The following FLRT1 variants were observed in gnomAD, a reference collection of about 807,000 sequenced individuals.
FLRT1 encodes fibronectin leucine rich transmembrane protein 1.
FLRT1 carries 14 observed loss-of-function variants against 30.9 expected under a neutral mutation model. That is an observed-to-expected ratio of 0.45 (90% confidence interval 0.30 to 0.71). FLRT1 has a LOEUF of 0.71. Ranked by LOEUF, FLRT1 falls within the 30% of genes least tolerant of loss-of-function variation. FLRT1 has a pLI of 0.08. For missense variants in FLRT1, 737 were observed against 949.2 expected (o/e 0.78, Z 2.94); for synonymous variants, 368 against 430.4 (o/e 0.85, Z 1.80).
chr11:64,118,176 A>G lies in FLRT1; in HGVS notation c.1909A>G (p.Thr637Ala), dbSNP rs535165344. The G allele has an allele frequency of 8.1e-6, 13 of 1,613,520 alleles. No homozygotes were observed. Among genetic ancestry groups the G allele is most frequent in the Admixed American group, 3.3e-5 (2 of 60,008 alleles). Reference sequence around the variant, plus strand: ...CGCCAAAGAAGAGTACGTGGTCCACACTATCTTCCCCTCCAACGGCAGCAG... The same window carrying G: ...CGCCAAAGAAGAGTACGTGGTCCACGCTATCTTCCCCTCCAACGGCAGCAG... ...YRAKEEYVVH[T>A]IFPSNGSSLC... Residue 637 changes from threonine to alanine, a missense_variant, in exon 3 of 3, where the codon ACT (threonine) becomes GCT (alanine). Transcript: ENST00000682287.
At chr11:64,068,066 A>G (rs1367755184) in intron 1 of FLRT1, among the ~76,000 whole-genome samples, 1 of 152,266 alleles carries the variant, frequency 6.6e-6, no homozygotes, top group Non-Finnish European at 1.5e-5. Context: ...ATACATTAAA[A>G]TGATTCTCAA....
intron 1 of FLRT1, among the ~76,000 whole-genome samples, chr11:64,081,352 G>A (rs559766799): frequency 6.6e-6 from 1 of 152,320 alleles, no homozygotes; most frequent in Admixed American, 6.5e-5. Flanking sequence ...CAATGACCAT[G>A]AACTCGCATA....
chr11:64,068,309 G>T (rs1024989430), intron 1 of FLRT1, among the ~76,000 whole-genome samples: 1 of 152,206 alleles, frequency 6.6e-6, no homozygotes, highest in African/African-American at 2.4e-5. Flanking sequence ...GCACCCGCCT[G>T]TCCCACTCTT....
chr11:64,066,163 G>A (rs946203784), intron 1 of FLRT1, among the ~76,000 whole-genome samples: 1 of 151,924 alleles, frequency 6.6e-6, no homozygotes, highest in Non-Finnish European at 1.5e-5. Flanking sequence ...TGGGCATGGT[G>A]GTGGGCACCT....
chr11:64,079,399 T>G, intron 1 of FLRT1, among the ~76,000 whole-genome samples: 2 of 146,112 alleles, frequency 1.4e-5, no homozygotes, highest in African/African-American at 2.5e-5. Flanking sequence ...AAGGGGGTCG[T>G]TGGGGATGGG....
intron 1 of FLRT1, chr11:64,060,392 G>C (rs571541218): frequency 2.6e-5 from 4 of 152,390 alleles, no homozygotes; most frequent in Admixed American, 2.6e-4. Flanking sequence ...GAAGGCCTCG[G>C]ATTGGTTGTG....
chr11:64,065,883 A>G (rs1043502169), intron 1 of FLRT1, among the ~76,000 whole-genome samples: 3 of 151,920 alleles, frequency 2.0e-5, no homozygotes, highest in African/African-American at 7.3e-5. Flanking sequence ...CATTCACCCC[A>G]GTGCAGAGTG....
At chr11:64,108,468 G>A (rs1652081926) in intron 2 of FLRT1, among the ~76,000 whole-genome samples, 1 of 152,210 alleles carries the variant, frequency 6.6e-6, no homozygotes, top group Non-Finnish European at 1.5e-5. Context: ...CTGAGCACCA[G>A]GAAGCAGCGG....
chr11:64,041,076 T>A (rs903303915), intron 1 of FLRT1, among the ~76,000 whole-genome samples: 1 of 151,866 alleles, frequency 6.6e-6, no homozygotes, highest in African/African-American at 2.4e-5. Context: ...GCGCTAGTCC[T>A]GGCCATTCCT....
chr11:64,052,016 T>C (rs532813337), intron 1 of FLRT1, among the ~76,000 whole-genome samples: 1 of 151,214 alleles, frequency 6.6e-6, no homozygotes, highest in East Asian at 2.0e-4. Flanking sequence ...GCTGGGGGCT[T>C]GCTAATGAAC....
At chr11:64,053,716 C>T (rs1342995666) in intron 1 of FLRT1, among the ~76,000 whole-genome samples, 2 of 152,068 alleles carry the variant, frequency 1.3e-5, no homozygotes, top group East Asian at 3.9e-4. Context: ...CCCCTACTTT[C>T]TCCTTCCCTT....
intron 2 of FLRT1, among the ~76,000 whole-genome samples, chr11:64,104,845 C>T (rs751521903): frequency 6.6e-6 from 1 of 152,142 alleles, no homozygotes; most frequent in African/African-American, 2.4e-5. Flanking sequence ...TCCTCCCTGC[C>T]GCTGAGGAGG....
intron 1 of FLRT1, among the ~76,000 whole-genome samples, chr11:64,054,057 C>T (rs1943741040): frequency 6.6e-6 from 1 of 152,146 alleles, no homozygotes; most frequent in Non-Finnish European, 1.5e-5. Flanking sequence ...CTGGTGGCAG[C>T]AAGCAGCTGT....
intron 1 of FLRT1, among the ~76,000 whole-genome samples, chr11:64,052,739 A>G (rs74993433): frequency 0.023 from 3,505 of 152,342 alleles, 132 homozygotes; most frequent in African/African-American, 0.079. Context: ...CCCAGCTTCT[A>G]GGGGTGGAGT....
chr11:64,081,561 A>G (rs1944304159), intron 1 of FLRT1: 1 of 152,398 alleles, frequency 6.6e-6, no homozygotes, highest in Non-Finnish European at 1.5e-5. Flanking sequence ...CACACATATC[A>G]TGGGTATTAT....
intron 1 of FLRT1, among the ~76,000 whole-genome samples, chr11:64,066,098 A>G (rs980394025): frequency 1.3e-5 from 2 of 151,972 alleles, no homozygotes; most frequent in African/African-American, 4.8e-5. Flanking sequence ...GGAGCTCAAG[A>G]GCAGCTTGGC....
At chr11:64,053,316 CAATT>C (rs1422228857) in intron 1 of FLRT1, among the ~76,000 whole-genome samples, 4 of 152,278 alleles carry the variant, frequency 2.6e-5, no homozygotes, top group Non-Finnish European at 5.9e-5. Context: ...TTAATTAAGC[CAATT>C]AATTAGTGCC....
At chr11:64,080,395 A>G (rs1325056771) in intron 1 of FLRT1, among the ~76,000 whole-genome samples, 1 of 152,210 alleles carries the variant, frequency 6.6e-6, no homozygotes, top group African/African-American at 2.4e-5. Flanking sequence ...TCACCCCTTC[A>G]ACGTGTAGAA....
chr11:64,101,501 T>C (rs1483380188), intron 1 of FLRT1, among the ~76,000 whole-genome samples: 9 of 152,116 alleles, frequency 5.9e-5, no homozygotes, highest in Admixed American at 5.2e-4. Flanking sequence ...GCAATCATCC[T>C]CTCAAAATGC....
Sources: allele counts gnomAD v4.1 joint callset (sites outside exome capture counted in the v4.1 genomes callset), GRCh38; gene constraint gnomAD v4.1.1; transcripts MANE v1.5; gene names NCBI Gene and HGNC (gene_info 2026-07-23, HGNC 2026-07-21).